The following ABTB3 variants were observed in gnomAD, a reference collection of about 807,000 sequenced individuals.
ABTB3 encodes the protein ankyrin repeat and BTB domain containing 3, also known as ankyrin repeat- and BTB/POZ domain-containing protein 3.
chr12:107,522,401 T>C, the ABTB3 span, among the ~76,000 whole-genome samples: 5 of 152,194 alleles, frequency 3.3e-5, no homozygotes, highest in South Asian at 1.0e-3. Context: ...ATATACAATT[T>C]ACCTTTGTAG....
chr12:107,562,103 C>T, the ABTB3 span, among the ~76,000 whole-genome samples: 5 of 152,156 alleles, frequency 3.3e-5, no homozygotes, highest in Non-Finnish European at 7.3e-5. Flanking sequence ...AGGTATAGAA[C>T]CAGGTACACA....
chr12:107,482,961 T>C, the ABTB3 span, among the ~76,000 whole-genome samples: 37 of 72,394 alleles, frequency 5.1e-4, no homozygotes, highest in African/African-American at 1.0e-3. Flanking sequence ...TCTTTCTTTC[T>C]TTCTTTCTTT....
the ABTB3 span, among the ~76,000 whole-genome samples, chr12:107,396,757 C>T: frequency 2.0e-5 from 3 of 152,288 alleles, no homozygotes; most frequent in Non-Finnish European, 4.4e-5. Context: ...AACATTTTAG[C>T]TGCAGCCAAA....
chr12:107,365,315 C>G, the ABTB3 span, among the ~76,000 whole-genome samples: 4 of 152,094 alleles, frequency 2.6e-5, no homozygotes, highest in African/African-American at 9.7e-5. Flanking sequence ...CTTTTCTGAA[C>G]CCTCAACTTG....
the ABTB3 span, among the ~76,000 whole-genome samples, chr12:107,503,756 C>CAAAAAAAAAAAAAAAAAAAAA: frequency 1.1e-4 from 8 of 70,736 alleles, no homozygotes; most frequent in East Asian, 2.1e-3. Flanking sequence ...GACCCTATCT[C>CAAAAAAAAAAAAAAAAAAAAA]AAAAAAAAAA....
At chr12:107,645,477 C>G in the ABTB3 span, among the ~76,000 whole-genome samples, 1 of 151,978 alleles carries the variant, frequency 6.6e-6, no homozygotes, top group Non-Finnish European at 1.5e-5. Context: ...AGCTGAGGTT[C>G]AAACCCAGGC....
At chr12:107,496,368 T>A in the ABTB3 span, among the ~76,000 whole-genome samples, 1 of 152,068 alleles carries the variant, frequency 6.6e-6, no homozygotes, top group East Asian at 1.9e-4. Context: ...ATTCCTGAAG[T>A]CTCGGCTTTC....
the ABTB3 span, among the ~76,000 whole-genome samples, chr12:107,359,863 C>G: frequency 6.6e-6 from 1 of 152,202 alleles, no homozygotes; most frequent in Non-Finnish European, 1.5e-5. Flanking sequence ...CTGCTCCTTT[C>G]ATCGTCAGCT....
At chr12:107,595,567 A>T in the ABTB3 span, among the ~76,000 whole-genome samples, 7 of 152,302 alleles carry the variant, frequency 4.6e-5, 1 homozygote, top group South Asian at 1.5e-3. Context: ...GGCATCTAAT[A>T]GTTTGTTGAC....
At chr12:107,500,497 G>C in the ABTB3 span, among the ~76,000 whole-genome samples, 9 of 152,252 alleles carry the variant, frequency 5.9e-5, no homozygotes, top group South Asian at 1.9e-3. Flanking sequence ...CCTCACTTGG[G>C]TTACAAAGTC....
At chr12:107,430,598 C>T in the ABTB3 span, among the ~76,000 whole-genome samples, 7,518 of 152,220 alleles carry the variant, frequency 0.049, 604 homozygotes, top group African/African-American at 0.17. Context: ...TCCATCCGTC[C>T]GTCCATCCCT....
At chr12:107,332,011 G>T in the ABTB3 span, among the ~76,000 whole-genome samples, 1 of 152,234 alleles carries the variant, frequency 6.6e-6, no homozygotes, top group Non-Finnish European at 1.5e-5. Flanking sequence ...GAGTGAGCTG[G>T]CACCTTCACA....
chr12:107,423,684 A>T, the ABTB3 span, among the ~76,000 whole-genome samples: 4,290 of 152,294 alleles, frequency 0.028, 153 homozygotes, highest in African/African-American at 0.088. Context: ...CTGCTAAAAA[A>T]GGATAGCTGA....
the ABTB3 span, among the ~76,000 whole-genome samples, chr12:107,397,079 G>A: frequency 1.3e-5 from 2 of 152,240 alleles, no homozygotes; most frequent in African/African-American, 4.8e-5. Flanking sequence ...CACAGGCAAG[G>A]TGTGGGGATC....
the ABTB3 span, among the ~76,000 whole-genome samples, chr12:107,596,497 C>T: frequency 1.3e-5 from 2 of 152,098 alleles, no homozygotes; most frequent in Non-Finnish European, 2.9e-5. Context: ...ACTGTAATCC[C>T]AGCTGTAATC....
chr12:107,655,551 G>C, the ABTB3 span, among the ~76,000 whole-genome samples: 1 of 152,138 alleles, frequency 6.6e-6, no homozygotes, highest in African/African-American at 2.4e-5. Context: ...TAAAAAGAGT[G>C]GTAAAGAAAG....
the ABTB3 span, among the ~76,000 whole-genome samples, chr12:107,654,813 T>TACACAC: frequency 1.1e-4 from 11 of 95,992 alleles, no homozygotes; most frequent in African/African-American, 5.5e-4. Flanking sequence ...GTCTACATTG[T>TACACAC]ATACACACAC....
the ABTB3 span, among the ~76,000 whole-genome samples, chr12:107,433,206 C>T: frequency 2.8e-5 from 4 of 140,664 alleles, no homozygotes; most frequent in Non-Finnish European, 4.5e-5. Context: ...AGGAGAATGG[C>T]GTGAACCCGG....
the ABTB3 span, among the ~76,000 whole-genome samples, chr12:107,508,273 G>A: frequency 6.6e-6 from 1 of 151,606 alleles, no homozygotes; most frequent in African/African-American, 2.4e-5. Flanking sequence ...TCAGACATAT[G>A]GACGGAAGTT....
Sources: allele counts gnomAD v4.1 joint callset (sites outside exome capture counted in the v4.1 genomes callset), GRCh38; gene constraint gnomAD v4.1.1; transcripts MANE v1.5; gene names NCBI Gene and HGNC (gene_info 2026-07-23, HGNC 2026-07-21).